C4orf51: variants seen among roughly 807,000 people sequenced by gnomAD.
C4orf51 encodes the protein chromosome 4 open reading frame 51.
Under a neutral mutation model 25.2 loss-of-function variants are expected in C4orf51, and 25 were observed. The observed-to-expected ratio is 0.99, with a 90% CI of 0.72 to 1.39. The LOEUF is 1.39. C4orf51 is among the 40% of genes most tolerant of loss of function. C4orf51 has a pLI of 0.00. For synonymous variants in C4orf51, 100 were observed against 84.5 expected, an observed-to-expected ratio of 1.18 and a Z score of -1.01; for missense variants, 252 against 239.6, an observed-to-expected ratio of 1.05 and a Z score of -0.34.
intron 1 of C4orf51, among the ~76,000 whole-genome samples, chr4:145,750,201 A>G (rs1349126267): frequency 6.6e-6 from 1 of 151,844 alleles, no homozygotes. Flanking sequence ...TTTTCTGTGT[A>G]TTTACATTAC....
downstream of C4orf51, among the ~76,000 whole-genome samples, chr4:145,757,425 T>C (rs1409708328): frequency 6.6e-6 from 1 of 152,186 alleles, no homozygotes; most frequent in East Asian, 1.9e-4. Context: ...TTAATGGCCA[T>C]TAATGATGTA....
intron 4 of C4orf51, 32 bp from the exon 5 acceptor site, chr4:145,729,860 A>T (rs1444852930): frequency 8.2e-6 from 13 of 1,581,098 alleles, no homozygotes; most frequent in African/African-American, 1.3e-5. Context: ...TTTATCGCAA[A>T]CACTCACACA....
intron 2 of C4orf51, among the ~76,000 whole-genome samples, chr4:145,697,807 T>A (rs1358174150): frequency 2.6e-5 from 4 of 152,250 alleles, no homozygotes; most frequent in African/African-American, 9.6e-5. Flanking sequence ...TGAATAATGC[T>A]GTAATGAACA....
intron 1 of C4orf51, among the ~76,000 whole-genome samples, chr4:145,680,720 C>T (rs1339506383): frequency 6.6e-6 from 1 of 152,090 alleles, no homozygotes; most frequent in African/African-American, 2.4e-5. Flanking sequence ...GTTCTCTTTT[C>T]AGCAAAAAGG....
At chr4:145,759,519 G>T (rs995281835) in intron 1 of C4orf51, 22 of 152,180 alleles carry the variant, frequency 1.4e-4, no homozygotes, top group Admixed American at 1.4e-3. Flanking sequence ...CGATTAGCCA[G>T]AAGATCGGCA....
chr4:145,689,323 G>A (rs1392987563), intron 1 of C4orf51, among the ~76,000 whole-genome samples: 1 of 151,818 alleles, frequency 6.6e-6, no homozygotes, highest in East Asian at 1.9e-4. Flanking sequence ...ACAATATTAA[G>A]GGCATATAAA....
At chr4:145,685,449 G>A (rs1267123096) in intron 1 of C4orf51, among the ~76,000 whole-genome samples, 2 of 152,204 alleles carry the variant, frequency 1.3e-5, no homozygotes, top group African/African-American at 4.8e-5. Context: ...CTCAAGAGCT[G>A]AGCTCCCTCA....
At chr4:145,747,528 G>A (rs987454619) in intron 1 of C4orf51, among the ~76,000 whole-genome samples, 10 of 151,986 alleles carry the variant, frequency 6.6e-5, no homozygotes, top group East Asian at 1.9e-4. Context: ...GTTGAGCCAC[G>A]TTTACATTCC....
intron 2 of C4orf51, among the ~76,000 whole-genome samples, chr4:145,708,761 T>C (rs1730973382): frequency 6.6e-6 from 1 of 152,274 alleles, no homozygotes; most frequent in Non-Finnish European, 1.5e-5. Flanking sequence ...ATGGGTCTAT[T>C]GTGCCTACGG....
intron 2 of C4orf51, among the ~76,000 whole-genome samples, chr4:145,708,378 G>A (rs748256125): frequency 7.2e-5 from 11 of 152,164 alleles, no homozygotes; most frequent in Non-Finnish European, 1.5e-4. Flanking sequence ...AGATCTTTCC[G>A]TTTGGGGAGA....
intron 2 of C4orf51, among the ~76,000 whole-genome samples, chr4:145,697,000 G>A (rs1313437888): frequency 1.3e-5 from 2 of 151,384 alleles, no homozygotes; most frequent in Non-Finnish European, 2.9e-5. Flanking sequence ...TGGTGCCATT[G>A]CACTACAGCC....
downstream of C4orf51, among the ~76,000 whole-genome samples, chr4:145,775,032 G>A (rs189769693): frequency 7.0e-4 from 106 of 152,206 alleles, no homozygotes; most frequent in African/African-American, 2.2e-3. Flanking sequence ...TAGTGGTGCC[G>A]GTCCACTGAT....
At chr4:145,685,253 G>T (rs774483840) in intron 1 of C4orf51, among the ~76,000 whole-genome samples, 1 of 152,016 alleles carries the variant, frequency 6.6e-6, no homozygotes, top group Non-Finnish European at 1.5e-5. Flanking sequence ...CCTTGTATTC[G>T]TCCATTTTCA....
chr4:145,757,231 T>C (rs1259191166), downstream of C4orf51, among the ~76,000 whole-genome samples: 4 of 152,216 alleles, frequency 2.6e-5, no homozygotes, highest in African/African-American at 9.6e-5. Flanking sequence ...TAAAATCTCA[T>C]AGTTGCCCAA....
the C4orf51 span, among the ~76,000 whole-genome samples, chr4:145,784,305 T>C: frequency 3.5e-4 from 53 of 152,340 alleles, no homozygotes; most frequent in African/African-American, 1.2e-3. Context: ...CTTTTGGACT[T>C]TTTGTTTTGT....
At chr4:145,748,330 A>G (rs758130560) in intron 1 of C4orf51, among the ~76,000 whole-genome samples, 1 of 152,090 alleles carries the variant, frequency 6.6e-6, no homozygotes, top group Admixed American at 6.5e-5. Context: ...TTAGCTTTTC[A>G]GAAAACCAAC....
chr4:145,698,789 AC>A (rs1336957324), intron 2 of C4orf51, among the ~76,000 whole-genome samples: 17 of 152,158 alleles, frequency 1.1e-4, no homozygotes, highest in Admixed American at 1.1e-3. Flanking sequence ...TTTTTGGTTT[AC>A]AAGTTCATTA....
chr4:145,781,676 A>G, the C4orf51 span, among the ~76,000 whole-genome samples: 1 of 152,246 alleles, frequency 6.6e-6, no homozygotes, highest in Non-Finnish European at 1.5e-5. Flanking sequence ...TCTGAGGACA[A>G]GAACTACTCT....
At chr4:145,717,839 A>G (rs138443181) in intron 2 of C4orf51, among the ~76,000 whole-genome samples, 124 of 152,350 alleles carry the variant, frequency 8.1e-4, no homozygotes, top group African/African-American at 2.8e-3. Context: ...ATTCCCTTCT[A>G]TATCATATGC....
Sources: allele counts gnomAD v4.1 joint callset (sites outside exome capture counted in the v4.1 genomes callset), GRCh38; gene constraint gnomAD v4.1.1; transcripts MANE v1.5; gene names NCBI Gene and HGNC (gene_info 2026-07-23, HGNC 2026-07-21).